CACNA1C: variants seen among roughly 807,000 people sequenced by gnomAD.
CACNA1C encodes the protein calcium voltage-gated channel subunit alpha1 C, also known as voltage-dependent L-type calcium channel subunit alpha-1C.
CACNA1C carries 30 observed loss-of-function variants against 229.0 expected under a neutral mutation model. That is an observed-to-expected ratio of 0.13 (90% CI 0.10 to 0.18). CACNA1C has a LOEUF of 0.18. Among genes scored for constraint, CACNA1C ranks in the 10% least tolerant of loss-of-function variants. CACNA1C has a pLI of 1.00. For missense variants in CACNA1C, 1,658 were observed against 2,845.0 expected (o/e 0.58, Z 9.49); for synonymous variants, 1,114 against 1,132.5 (o/e 0.98, Z 0.33).
intron 7 of CACNA1C, among the ~76,000 whole-genome samples, chr12:2,502,461 A>C (rs2099762734): frequency 6.6e-6 from 1 of 152,238 alleles, no homozygotes; most frequent in Non-Finnish European, 1.5e-5. Flanking sequence ...CTGGGAAAGC[A>C]AACCAGATGT....
intron 3 of CACNA1C, among the ~76,000 whole-genome samples, chr12:2,315,475 A>G (rs2095642822): frequency 6.6e-6 from 1 of 152,182 alleles, no homozygotes; most frequent in Non-Finnish European, 1.5e-5. Flanking sequence ...TTTCTTGATT[A>G]GGAAGCTGTG....
intron 27 of CACNA1C, 30 bp from the exon 28 acceptor site, chr12:2,610,511 C>T (rs112012700): frequency 6.3e-6 from 10 of 1,595,828 alleles, no homozygotes; most frequent in Non-Finnish European, 8.6e-6. Context: ...TAACTAACCC[C>T]ACTCTCCCCA....
chr12:2,101,635 G>C (rs762802785), intron 1 of CACNA1C, among the ~76,000 whole-genome samples: 3 of 152,176 alleles, frequency 2.0e-5, no homozygotes, highest in Non-Finnish European at 4.4e-5. Flanking sequence ...ACGAGGCTGG[G>C]TGTTCAGAGG....
chr12:2,256,191 A>G (rs2077673313), intron 3 of CACNA1C, among the ~76,000 whole-genome samples: 1 of 152,138 alleles, frequency 6.6e-6, no homozygotes. Context: ...ACTAGATCAG[A>G]CTACCTGGAG....
At chr12:2,357,249 A>G (rs1567219279) in intron 3 of CACNA1C, among the ~76,000 whole-genome samples, 1 of 152,186 alleles carries the variant, frequency 6.6e-6, no homozygotes, top group Non-Finnish European at 1.5e-5. Context: ...TAAAATTACA[A>G]GAGAATCACC....
intron 3 of CACNA1C, among the ~76,000 whole-genome samples, chr12:2,406,840 A>G (rs538323981): frequency 2.0e-5 from 3 of 152,296 alleles, no homozygotes; most frequent in African/African-American, 4.8e-5. Context: ...ATGATTTCCA[A>G]TTGGAACCTG....
intron 1 of CACNA1C, among the ~76,000 whole-genome samples, chr12:2,039,051 C>G (rs1038173811): frequency 6.6e-6 from 1 of 152,144 alleles, no homozygotes; most frequent in African/African-American, 2.4e-5. Context: ...TAGGAAATTG[C>G]AAAAGACAGG....
intron 3 of CACNA1C, among the ~76,000 whole-genome samples, chr12:2,130,292 CTT>C (rs112966901): frequency 0.058 from 8,146 of 140,718 alleles, 540 homozygotes; most frequent in African/African-American, 0.17. Flanking sequence ...TTAAATATCT[CTT>C]TTTTTTTTCT....
In CACNA1C at chr12:2,691,244, C is replaced by T. The variant is rs2097785120; in HGVS notation, c.*45C>T. On this transcript the variant is annotated 3_prime_UTR_variant, in exon 47 of 47. Transcript: ENST00000399655. ...GCTTTTTTTTATTTGTTTCAATGTT[C>T]CTAATGGGTTCGTTTCAGAAGTGCC... The T allele has an allele frequency of 6.7e-7, 1 of 1,488,284 alleles. No homozygotes were observed. The highest frequency in any genetic ancestry group is 1.4e-5 in the African/African-American group (1 of 71,202). The allele number at this position is 1,488,284 out of a possible 1,614,324, so 92.2% of individuals were successfully genotyped here.
intron 3 of CACNA1C, among the ~76,000 whole-genome samples, chr12:2,369,476 G>A (rs967134521): frequency 1.1e-4 from 16 of 150,296 alleles, no homozygotes; most frequent in African/African-American, 3.7e-4. Flanking sequence ...TTGGCTCACT[G>A]CATCCCCCAC....
chr12:2,420,490 G>A (rs2098967783), intron 3 of CACNA1C, among the ~76,000 whole-genome samples: 1 of 152,296 alleles, frequency 6.6e-6, no homozygotes, highest in South Asian at 2.1e-4. Flanking sequence ...GCTGTAACTG[G>A]TCATCTCAGT....
At chr12:2,130,191 T>G (rs2091822090) in intron 3 of CACNA1C, among the ~76,000 whole-genome samples, 2 of 102,800 alleles carry the variant, frequency 1.9e-5, no homozygotes, top group South Asian at 3.3e-4. Flanking sequence ...CATGAGACCT[T>G]TCTTTTTTTT....
chr12:2,091,012 A>G (rs1046503131), intron 1 of CACNA1C, among the ~76,000 whole-genome samples: 5 of 152,146 alleles, frequency 3.3e-5, no homozygotes, highest in African/African-American at 1.2e-4. Context: ...TGTGTATATC[A>G]TCTTGGAGAA....
At chr12:2,294,347 G>A (rs1026868452) in intron 3 of CACNA1C, among the ~76,000 whole-genome samples, 3 of 151,936 alleles carry the variant, frequency 2.0e-5, no homozygotes, top group African/African-American at 7.3e-5. Context: ...GTTGTGCTTG[G>A]GGAGCCCTGA....
chr12:2,524,073 T>A (rs2099814553), intron 9 of CACNA1C, among the ~76,000 whole-genome samples: 1 of 152,330 alleles, frequency 6.6e-6, no homozygotes, highest in Admixed American at 6.5e-5. Context: ...CGTATTGTAT[T>A]TCCATCGTCG....
chr12:2,023,961 A>C (rs758467575), intron 1 of CACNA1C, among the ~76,000 whole-genome samples: 4 of 152,214 alleles, frequency 2.6e-5, no homozygotes. Flanking sequence ...CTGGGTTTCC[A>C]CCTAGTTTAA....
intron 1 of CACNA1C, among the ~76,000 whole-genome samples, chr12:2,018,900 A>T (rs966714461): frequency 5.9e-5 from 9 of 152,226 alleles, no homozygotes; most frequent in Non-Finnish European, 4.4e-5. Context: ...AAACATGCAA[A>T]TAAACTGAAC....
Position 2,354,349 on chromosome 12 carries a change from G to A in CACNA1C, c.478-94627G>A, listed in dbSNP as rs2097293634. On this transcript the variant is annotated intron_variant, in intron 3 of 46. Coordinates refer to ENST00000399655, the MANE Select transcript of CACNA1C (RefSeq NM_000719.7). This position sits in a 1 kb window ranked among gnomAD's most constrained non-coding sequence, Gnocchi z 4.6. Reference sequence around the variant, plus strand: ...CTTGTGTTTCCTCTGGCGCCTCTAGGTCGCTCTGCAGCCACCTGCTTGGAG... The same window carrying A: ...CTTGTGTTTCCTCTGGCGCCTCTAGATCGCTCTGCAGCCACCTGCTTGGAG... Among the ~76,000 whole-genome samples, 3 of 152,136 alleles carry A rather than the reference G, an allele frequency of 2.0e-5. No individual in the cohort carries two copies. The South Asian group carries it at 6.2e-4, about 32-fold the overall frequency.
In CACNA1C at chr12:2,606,594, T is replaced by C. The variant is rs1375405412; in HGVS notation, c.3157-17T>C. The C allele has an allele frequency of 2.5e-6, 4 of 1,595,312 alleles. No individual in the cohort carries two copies. Among genetic ancestry groups the C allele is most frequent in the African/African-American group, 2.7e-5 (2 of 74,566 alleles). On this transcript the variant is annotated splice_polypyrimidine_tract_variant and intron_variant, in intron 24 of 46. Transcript: ENST00000399655. ...TGATTACTGAACATCTCTGATACTC[T>C]GTTCTCTGCCTTCCAGGGAAAGCTG...
Sources: gnomAD v4.1 joint callset for allele counts (sites outside exome capture counted in the v4.1 genomes callset) on GRCh38, gnomAD v4.1.1 for gene constraint, Gnocchi (gnomAD v3.1) non-coding constraint, MANE v1.5 for transcripts, NCBI Gene and HGNC (gene_info 2026-07-23, HGNC 2026-07-21) for gene names.